Variants in ATP2A2 observed in about 807,000 individuals in gnomAD.
ATP2A2 encodes ATPase sarcoplasmic/endoplasmic reticulum Ca2+ transporting 2.
A neutral mutation model predicts 109.3 loss-of-function variants in ATP2A2; 14 were observed. That is an observed-to-expected ratio of 0.13 (90% CI 0.08 to 0.20). The LOEUF (loss-of-function observed/expected upper bound fraction) is 0.20. ATP2A2 is among the 10% of genes least tolerant of loss of function. ATP2A2 has a pLI of 1.00. For synonymous variants in ATP2A2, 506 were observed against 490.9 expected, an observed-to-expected ratio of 1.03 and a Z score of -0.41; for missense variants, 657 against 1,321.6, an observed-to-expected ratio of 0.50 and a Z score of 7.80.
At chr12:110,318,717 G>T (rs1411274453) in intron 5 of ATP2A2, among the ~76,000 whole-genome samples, 2 of 152,200 alleles carry the variant, frequency 1.3e-5, no homozygotes, top group African/African-American at 4.8e-5. Flanking sequence ...CAGGTGATCT[G>T]CCTGTCTCAG....
chr12:110,282,004 C>A, intron 1 of ATP2A2, 97 bp downstream of exon 1: 2 of 970,210 alleles, frequency 2.1e-6, no homozygotes, highest in Non-Finnish European at 2.9e-6. Context: ...CGGCTCCGCG[C>A]CCGCCGACAG....
At chr12:110,298,372 T>C (rs1183906051) in intron 5 of ATP2A2, among the ~76,000 whole-genome samples, 1 of 152,168 alleles carries the variant, frequency 6.6e-6, no homozygotes, top group Non-Finnish European at 1.5e-5. Context: ...TTAAGTATAG[T>C]GTTAAGAAGA....
Position 110,281,854 on chromosome 12 carries a change from C to G in ATP2A2, c.65C>G (p.Thr22Arg), listed in dbSNP as rs1566194930. 1.3e-6 allele frequency: 2 copies of G among 1,572,196 alleles called. No individual in the cohort carries two copies. Among genetic ancestry groups the G allele is most frequent in the Non-Finnish European group, 1.7e-6 (2 of 1,161,114 alleles). Reference sequence around the variant, plus strand: ...GGCCACTTCGGCGTCAACGAGAGTACGGGGCTGAGCCTGGAACAGGTCAAG... The same window carrying G: ...GGCCACTTCGGCGTCAACGAGAGTAGGGGGCTGAGCCTGGAACAGGTCAAG... Reference protein sequence around the residue: ...VLGHFGVNESTGLSLEQVKKL... With the variant: ...VLGHFGVNESRGLSLEQVKKL... The change falls in exon 1 of 20, where the codon ACG (threonine) becomes AGG (arginine). Residue 22 changes from threonine (T) to arginine (R), a missense_variant. Thr to Arg is a moderately conservative substitution (Grantham distance 71). Transcript: ENST00000539276.
intron 5 of ATP2A2, among the ~76,000 whole-genome samples, chr12:110,306,495 T>C (rs1417321774): frequency 6.6e-6 from 1 of 152,064 alleles, no homozygotes; most frequent in Non-Finnish European, 1.5e-5. Flanking sequence ...ACAGATAGTT[T>C]TTCAGCCCTC....
chr12:110,291,268 A>T (rs1229759753), intron 3 of ATP2A2, among the ~76,000 whole-genome samples: 1 of 150,526 alleles, frequency 6.6e-6, no homozygotes, highest in Non-Finnish European at 1.5e-5. Context: ...CAGTGGCACG[A>T]TCTCGGCTCA....
chr12:110,284,981 T>A (rs1312438775), intron 3 of ATP2A2, among the ~76,000 whole-genome samples: 1 of 152,216 alleles, frequency 6.6e-6, no homozygotes. Context: ...GAGCACTGAC[T>A]CTCTTTTTGT....
rs1286409652 is a variant in ATP2A2 at position 110,349,213 on chromosome 12, AC to A, written c.*2746del. On this transcript the variant is annotated 3_prime_UTR_variant, in exon 20 of 20. Coordinates refer to ENST00000539276, the MANE Select transcript of ATP2A2 (RefSeq NM_170665.4). ...ACTTCAGCATCTCCTCCTCAGGTCAACCCATAAAGACCAGGTCCAGCACCGT... is the reference window on the plus strand; with the variant it reads ...ACTTCAGCATCTCCTCCTCAGGTCAACCATAAAGACCAGGTCCAGCACCGT... 26 of 985,356 alleles carry A rather than the reference AC, an allele frequency of 2.6e-5. No homozygotes were observed. Among genetic ancestry groups the A allele is most frequent in the Non-Finnish European group, 2.8e-5 (23 of 829,990 alleles). 61.0% of individuals were successfully genotyped at this position (985,356 alleles called of 1,614,324 possible).
At chr12:110,330,254 T>C (rs1878210951) in intron 8 of ATP2A2, 1 of 152,194 alleles carries the variant, frequency 6.6e-6, no homozygotes, top group Admixed American at 6.5e-5. Flanking sequence ...ATGATGATTT[T>C]TTAGATACAG....
chr12:110,282,869 G>A, intron 3 of ATP2A2, 74 bp downstream of exon 3: 3 of 1,231,076 alleles, frequency 2.4e-6, no homozygotes, highest in Non-Finnish European at 3.5e-6. Flanking sequence ...GAAAACAAAT[G>A]ATGTCCATTG....
rs147558863 is a variant in ATP2A2 at position 110,346,266 on chromosome 12, C to G, written c.2925C>G (p.Pro975=). 3.7e-6 allele frequency: 6 copies of G among 1,614,136 alleles called. No individual in the cohort carries two copies. In the East Asian group the frequency reaches 8.9e-5, roughly 24 times the overall value. ...TGATGGTGCTGAAAATCTCCTTGCCCGTGATTCTCATGGATGAGACGCTCA... is the reference window on the plus strand; with the variant it reads ...TGATGGTGCTGAAAATCTCCTTGCCGGTGATTCTCATGGATGAGACGCTCA... ...QWLMVLKISL[P]VILMDETLKF... Residue 975 remains proline (P), a synonymous_variant, in exon 20 of 20, where the codon CCC becomes CCG. Coordinates refer to ENST00000539276, the MANE Select transcript of ATP2A2 (RefSeq NM_170665.4).
At chr12:110,286,636 G>GT (rs1477832501) in intron 3 of ATP2A2, among the ~76,000 whole-genome samples, 2 of 149,888 alleles carry the variant, frequency 1.3e-5, no homozygotes, top group Non-Finnish European at 3.0e-5. Flanking sequence ...AGAAATTATC[G>GT]TAACGTTTAT....
At chr12:110,298,899 C>T (rs1320318384) in intron 5 of ATP2A2, among the ~76,000 whole-genome samples, 1 of 152,072 alleles carries the variant, frequency 6.6e-6, no homozygotes, top group Non-Finnish European at 1.5e-5. Flanking sequence ...TATATAACCT[C>T]AGTATGATTA....
At chr12:110,325,589 C>T (rs1877708506) in intron 6 of ATP2A2, among the ~76,000 whole-genome samples, 2 of 151,270 alleles carry the variant, frequency 1.3e-5, no homozygotes, top group African/African-American at 2.4e-5. Flanking sequence ...GATTGTGCCA[C>T]TGGACTCCAG....
intron 5 of ATP2A2, among the ~76,000 whole-genome samples, chr12:110,312,126 C>T (rs1414917063): frequency 6.6e-6 from 1 of 152,114 alleles, no homozygotes; most frequent in East Asian, 1.9e-4. Flanking sequence ...CTGCAGTGAG[C>T]TCAGATCGTG....
At chr12:110,284,974 C>G (rs895938659) in intron 3 of ATP2A2, among the ~76,000 whole-genome samples, 1 of 152,114 alleles carries the variant, frequency 6.6e-6, no homozygotes, top group African/African-American at 2.4e-5. Flanking sequence ...AAAGAAAGAG[C>G]ACTGACTCTC....
chr12:110,345,792 C>T (rs1258100794), intron 18 of ATP2A2: 3 of 654,384 alleles, frequency 4.6e-6, no homozygotes, highest in Non-Finnish European at 8.3e-6. Context: ...ATGGGGTCTG[C>T]TATGCCAAAA....
chr12:110,336,067 A>G (rs1878815916), intron 11 of ATP2A2, among the ~76,000 whole-genome samples: 1 of 152,222 alleles, frequency 6.6e-6, no homozygotes, highest in Non-Finnish European at 1.5e-5. Flanking sequence ...CTCAGTGCCC[A>G]CTGTCTCCTA....
rs1158432410 is a variant in ATP2A2 at position 110,342,938 on chromosome 12, C to T, written c.2319-294C>T. 1.3e-5 allele frequency among the ~76,000 whole-genome samples: 2 copies of T among 152,004 alleles called. No individual in the cohort carries two copies. The highest frequency in any genetic ancestry group is 1.3e-4 in the Admixed American group (2 of 15,242). On this transcript the variant is annotated intron_variant, in intron 15 of 19. Coordinates refer to ENST00000539276, the MANE Select transcript of ATP2A2 (RefSeq NM_170665.4). This position sits in a 1 kb window ranked among gnomAD's most constrained non-coding sequence, Gnocchi z 4.6. ...TGTTTTAGTAGAAATGAGGTTTCAC[C>T]ATGTTGCCCAGGCTGGTCTCTTAAC...
At position 110,345,251 on chromosome 12, in the gene ATP2A2, T is replaced by A; in HGVS notation, c.2610T>A (p.Ser870Arg). The A allele has an allele frequency of 6.2e-7, 1 of 1,614,066 alleles. No individual in the cohort carries two copies. Among genetic ancestry groups the A allele is most frequent in the Non-Finnish European group, 8.5e-7 (1 of 1,180,020 alleles). Residue 870 changes from serine (S) to arginine (R), a missense_variant and splice_region_variant, in exon 18 of 20, where the codon AGT (serine) becomes AGA (arginine). By Grantham distance (110) the Ser-to-Arg change is moderately radical. This residue lies in a region of ATP2A2 where 125 missense variants were observed against 243.5 expected (regional missense o/e 0.51). Transcript: ENST00000539276. ...AATTTGATTGGATTTTCTTGCAGAG[T>A]CATTTCCTACAGTGTAAAGAGGACA... ...GGPRVSFYQL[S>R]HFLQCKEDNP...
Sources: allele counts gnomAD v4.1 joint callset (sites outside exome capture counted in the v4.1 genomes callset), GRCh38; gene constraint gnomAD v4.1.1; regional missense constraint gnomAD v4.1.1; non-coding constraint Gnocchi (gnomAD v3.1); transcripts MANE v1.5; gene names NCBI Gene and HGNC (gene_info 2026-07-23, HGNC 2026-07-21).